PTPRN2: variants seen among roughly 807,000 people sequenced by gnomAD.
The protein encoded by PTPRN2 is receptor-type tyrosine-protein phosphatase N2.
PTPRN2 carries 74 observed loss-of-function variants against 118.8 expected under a neutral mutation model. That is an observed-to-expected ratio of 0.62 (90% confidence interval 0.52 to 0.76). PTPRN2 has a LOEUF of 0.76. Ranked by LOEUF, PTPRN2 falls within the 30% of genes least tolerant of loss-of-function variation. The probability of loss-of-function intolerance (pLI) is 0.00; values close to 1 mark genes in which losing one functional copy is unlikely to be tolerated. For missense variants in PTPRN2, 1,481 were observed against 1,394.4 expected (o/e 1.06, Z -0.99); for synonymous variants, 641 against 608.0 (o/e 1.05, Z -0.80).
intron 3 of PTPRN2, among the ~76,000 whole-genome samples, chr7:158,279,907 C>T (rs751031060): frequency 2.0e-5 from 3 of 152,178 alleles, no homozygotes; most frequent in African/African-American, 4.8e-5. Context: ...CTTGACCCCA[C>T]GGTGTGCCAG....
chr7:158,199,528 T>A (rs1458192660), intron 4 of PTPRN2, among the ~76,000 whole-genome samples: 1 of 152,216 alleles, frequency 6.6e-6, no homozygotes, highest in East Asian at 1.9e-4. Flanking sequence ...ATTTCATGAA[T>A]GGATGATTGG....
intron 11 of PTPRN2, among the ~76,000 whole-genome samples, chr7:157,985,751 A>G (rs1157345235): frequency 6.6e-6 from 1 of 152,222 alleles, no homozygotes. Context: ...GCTCTTGAAC[A>G]AACTCCTGAG....
At chr7:158,261,144 TC>T (rs928099239) in intron 3 of PTPRN2, among the ~76,000 whole-genome samples, 42 of 152,196 alleles carry the variant, frequency 2.8e-4, no homozygotes, top group Non-Finnish European at 2.5e-4. Flanking sequence ...CCGAGCTCTT[TC>T]CCAGCGCACC....
chr7:158,204,284 C>A (rs1028840533), intron 4 of PTPRN2, among the ~76,000 whole-genome samples: 5 of 151,910 alleles, frequency 3.3e-5, no homozygotes, highest in Non-Finnish European at 2.9e-5. Context: ...GCGCCGCGTT[C>A]TGAGGAAAGA....
chr7:157,973,544 CA>C (rs1432980782), intron 11 of PTPRN2, among the ~76,000 whole-genome samples: 1 of 152,108 alleles, frequency 6.6e-6, no homozygotes, highest in Non-Finnish European at 1.5e-5. Context: ...TGCATAGAGC[CA>C]AACAAGCTGT....
chr7:157,561,643 G>A (rs544470138), intron 21 of PTPRN2, among the ~76,000 whole-genome samples: 43 of 152,368 alleles, frequency 2.8e-4, no homozygotes, highest in African/African-American at 9.1e-4. Flanking sequence ...CAACAGAGTG[G>A]TCAGAACGGA....
rs1238042147 is a variant in PTPRN2 at position 157,764,001 on chromosome 7, G to A, written c.1789-81064C>T. Among the ~76,000 whole-genome samples the A allele has an allele frequency of 2.6e-5, 4 of 152,128 alleles. No homozygotes were observed. The highest frequency in any genetic ancestry group is 1.9e-4 in the East Asian group (1 of 5,188). On this transcript the variant is annotated intron_variant, in intron 12 of 22. Coordinates refer to ENST00000389418, the MANE Select transcript of PTPRN2 (RefSeq NM_002847.5). This position sits in a 1 kb window ranked among gnomAD's most constrained non-coding sequence, Gnocchi z 4.5. ...CCGTGAACACAGGGAAGCTTTAGTC[G>A]CAGCCACATGAGTGGAGCATGTGGA... is the stretch of plus-strand genomic sequence containing the variant.
At chr7:157,979,654 C>T (rs112040395) in intron 11 of PTPRN2, among the ~76,000 whole-genome samples, 20 of 152,326 alleles carry the variant, frequency 1.3e-4, no homozygotes, top group Middle Eastern at 3.4e-3. Flanking sequence ...ACGCTGCCTC[C>T]GGTTCCTTTA....
At chr7:158,538,623 A>C (rs761643722) in intron 1 of PTPRN2, among the ~76,000 whole-genome samples, 1 of 152,124 alleles carries the variant, frequency 6.6e-6, no homozygotes, top group Non-Finnish European at 1.5e-5. Context: ...GGCACTGAGA[A>C]TAGGTGGGCG....
chr7:157,571,126 G>A (rs958437996), intron 20 of PTPRN2, among the ~76,000 whole-genome samples: 3 of 147,982 alleles, frequency 2.0e-5, no homozygotes, highest in South Asian at 2.1e-4. Flanking sequence ...GGGCGCAATC[G>A]CTTGATCCCG....
At chr7:157,589,050 A>T (rs1800837992) in intron 17 of PTPRN2, among the ~76,000 whole-genome samples, 1 of 152,196 alleles carries the variant, frequency 6.6e-6, no homozygotes, top group South Asian at 2.1e-4. Flanking sequence ...CACCGTCACC[A>T]CGCTCTTCAG....
chr7:158,323,124 G>A (rs1181463846), intron 2 of PTPRN2, among the ~76,000 whole-genome samples: 1 of 152,240 alleles, frequency 6.6e-6, no homozygotes, highest in Non-Finnish European at 1.5e-5. Flanking sequence ...AAAACAGGAA[G>A]GAAGGCAGGC....
chr7:157,988,531 A>C (rs1455418331), intron 11 of PTPRN2, among the ~76,000 whole-genome samples: 4 of 152,214 alleles, frequency 2.6e-5, no homozygotes, highest in Non-Finnish European at 5.9e-5. Context: ...AGGTGTGTAC[A>C]TCAGAACAGT....
intron 11 of PTPRN2, among the ~76,000 whole-genome samples, chr7:157,918,949 G>A (rs997159353): frequency 6.6e-6 from 1 of 152,116 alleles, no homozygotes; most frequent in Non-Finnish European, 1.5e-5. Flanking sequence ...AGCCACCTGA[G>A]GTGCGGACTT....
At chr7:157,612,897 G>A (rs2150605091) in intron 15 of PTPRN2, among the ~76,000 whole-genome samples, 1 of 152,292 alleles carries the variant, frequency 6.6e-6, no homozygotes, top group Non-Finnish European at 1.5e-5. Context: ...CCCCGGCCAG[G>A]GCAGGGCCCC....
chr7:157,578,437 T>G (rs2150528298), intron 17 of PTPRN2, among the ~76,000 whole-genome samples: 1 of 152,312 alleles, frequency 6.6e-6, no homozygotes, highest in Admixed American at 6.5e-5. Context: ...AAAGGAAACT[T>G]TCTACAACGC....
Position 157,578,446 on chromosome 7 carries a change from G to A in PTPRN2, c.2497-306C>T, listed in dbSNP as rs554368072. Among the ~76,000 whole-genome samples, 568 of 152,184 alleles carry A rather than the reference G, an allele frequency of 3.7e-3. 2 individuals carry two copies. Among genetic ancestry groups the A allele is most frequent in the African/African-American group, 0.013 (536 of 41,524 alleles). On this transcript the variant is annotated intron_variant, in intron 17 of 22. Coordinates refer to ENST00000389418, the MANE Select transcript of PTPRN2 (RefSeq NM_002847.5). ...ATCTGTAAAGGAAACTTTCTACAAC[G>A]CCACACATAACAGCCAGCACTTCTC...
chr7:157,781,762 C>T (rs74411448), intron 12 of PTPRN2, among the ~76,000 whole-genome samples: 1,968 of 152,298 alleles, frequency 0.013, 21 homozygotes, highest in Admixed American at 0.019. Flanking sequence ...GTACCCAAAA[C>T]GTATATTACT....
At chr7:158,334,647 A>C (rs1805229959) in intron 2 of PTPRN2, among the ~76,000 whole-genome samples, 1 of 92,846 alleles carries the variant, frequency 1.1e-5, no homozygotes, top group Non-Finnish European at 2.5e-5. Flanking sequence ...CCACACTCTC[A>C]CCATAATTGG....
Sources: allele counts gnomAD v4.1 joint callset (sites outside exome capture counted in the v4.1 genomes callset), GRCh38; gene constraint gnomAD v4.1.1; non-coding constraint Gnocchi (gnomAD v3.1); transcripts MANE v1.5; gene names NCBI Gene and HGNC (gene_info 2026-07-23, HGNC 2026-07-21).